Variants in ARHGEF5 observed in about 807,000 individuals in gnomAD.
ARHGEF5 encodes the protein Rho guanine nucleotide exchange factor (GEF) 5.
ARHGEF5 carries 11 observed loss-of-function variants against 104.0 expected under a neutral mutation model. That is an observed-to-expected ratio of 0.11 (90% CI 0.07 to 0.18). ARHGEF5 has a LOEUF of 0.18. ARHGEF5 is among the 10% of genes least tolerant of loss of function. ARHGEF5 has a pLI of 1.00. For missense variants in ARHGEF5, 165 were observed against 1,335.4 expected (o/e 0.12, Z 13.66); for synonymous variants, 60 against 512.2 (o/e 0.12, Z 11.92).
chr7:144,377,293 T>C (rs185706133), intron 13 of ARHGEF5, 103 bp downstream of exon 13: 30 of 1,547,824 alleles, frequency 1.9e-5, no homozygotes, highest in Non-Finnish European at 2.5e-5. Flanking sequence ...CTTTCATTTA[T>C]TGATATTCCG....
chr7:144,377,379 T>G (rs1371677224), intron 13 of ARHGEF5, among the ~76,000 whole-genome samples, 189 bp downstream of exon 13: 1 of 152,254 alleles, frequency 6.6e-6, no homozygotes, highest in African/African-American at 2.4e-5. Context: ...CTCATCACTA[T>G]GGCAGTCCCC....
In ARHGEF5 at chr7:144,365,079, AC is replaced by A; in HGVS notation, c.2415del (p.Arg806GlyfsTer40). 7.9e-7 allele frequency: 1 copy of A among 1,263,900 alleles called. No homozygotes were observed. The highest frequency in any genetic ancestry group is 1.1e-6 in the Non-Finnish European group (1 of 904,128). The allele number at this position is 1,263,900 out of a possible 1,614,324, so 78.3% of individuals were successfully genotyped here. On this transcript the variant is annotated frameshift_variant, in exon 2 of 15. Coordinates refer to ENST00000056217, the MANE Select transcript of ARHGEF5 (RefSeq NM_005435.4). LOFTEE classifies it high-confidence loss of function. ...TPDSSHHAQATPRWRYNKPLP... is the reference protein window; with the variant it reads ...TPDSSHHAQAXPRWRYNKPLP... ...AGACAGCTCCCACCATGCTCAGGCC[AC>A]CCCCAGGTGGAGATACAACAAGCCG...
At position 144,379,885 on chromosome 7, in the gene ARHGEF5, C is replaced by A; in HGVS notation, c.4637-14C>A. The A allele has an allele frequency of 1.9e-6, 3 of 1,614,044 alleles. No individual in the cohort carries two copies. The highest frequency in any genetic ancestry group is 2.5e-6 in the Non-Finnish European group (3 of 1,179,960). On this transcript the variant is annotated splice_polypyrimidine_tract_variant and intron_variant, in intron 14 of 14. Coordinates refer to ENST00000056217, the MANE Select transcript of ARHGEF5 (RefSeq NM_005435.4). The stretch of plus-strand genomic sequence containing the variant: ...TTTCCCAGGTAATTCTTCCCACTCA[C>A]CCTGTGCCCACAGGCTGGCTGGAGG...
At chr7:144,357,626 G>A (rs2053606703) in intron 1 of ARHGEF5, among the ~76,000 whole-genome samples, 3 of 150,520 alleles carry the variant, frequency 2.0e-5, no homozygotes. Context: ...ATGGCACTGA[G>A]TCTCAGTTCA....
At chr7:144,378,607 T>G (rs2053777887) in intron 13 of ARHGEF5, among the ~76,000 whole-genome samples, 155 bp from the exon 14 acceptor site, 1 of 152,208 alleles carries the variant, frequency 6.6e-6, no homozygotes, top group East Asian at 1.9e-4. Context: ...TATTTCTTTA[T>G]TAACCATTTT....
chr7:144,377,983 A>G (rs990255890), intron 13 of ARHGEF5, among the ~76,000 whole-genome samples: 9 of 152,176 alleles, frequency 5.9e-5, no homozygotes, highest in African/African-American at 2.2e-4. Context: ...GAAAGCAAAT[A>G]GTAATGCAGT....
intron 5 of ARHGEF5, among the ~76,000 whole-genome samples, chr7:144,370,744 G>C (rs1278371782): frequency 6.8e-6 from 1 of 147,042 alleles, no homozygotes; most frequent in Non-Finnish European, 1.5e-5. Context: ...GGGATTACAG[G>C]CGTGAGCCAC....
rs958372530 is a variant in ARHGEF5 at position 144,378,963 on chromosome 7, T to C, written c.4636+97T>C. ...CTGCAGCTGCCATGACAAAGTACCATGGACTGGGTGGCTTATGGCAACAGA... is the reference window on the plus strand; with the variant it reads ...CTGCAGCTGCCATGACAAAGTACCACGGACTGGGTGGCTTATGGCAACAGA... On this transcript the variant is annotated intron_variant, in intron 14 of 14. Transcript: ENST00000056217. 8.3e-6 allele frequency: 10 copies of C among 1,201,562 alleles called. No individual in the cohort carries two copies. In the Admixed American group the frequency reaches 1.9e-4, roughly 22 times the overall value. The allele number at this position is 1,201,562 out of a possible 1,614,324, so 74.4% of individuals were successfully genotyped here.
At chr7:144,360,720 A>G (rs2053631414) in intron 1 of ARHGEF5, among the ~76,000 whole-genome samples, 1 of 124,432 alleles carries the variant, frequency 8.0e-6, no homozygotes, top group African/African-American at 2.9e-5. Flanking sequence ...TATTTATTAA[A>G]CACTGAGTAT....
At chr7:144,361,226 CAAAAAAAA>C (rs60603784) in intron 1 of ARHGEF5, among the ~76,000 whole-genome samples, 2 of 17,994 alleles carry the variant, frequency 1.1e-4, no homozygotes, top group African/African-American at 2.7e-4. Flanking sequence ...GACTCCATCT[CAAAAAAAA>C]AAAAAAAGAA....
In ARHGEF5 at chr7:144,364,107, G is replaced by A. The variant is rs2053672383; in HGVS notation, c.1438G>A (p.Asp480Asn). 1.4e-6 allele frequency: 1 copy of A among 718,454 alleles called. No individual in the cohort carries two copies. The highest frequency in any genetic ancestry group is 3.3e-5 in the Admixed American group (1 of 30,634). 44.5% of individuals were successfully genotyped at this position (718,454 alleles called of 1,614,324 possible). A position where few individuals can be genotyped will look rare whatever the true frequency, so the allele number is the denominator to read the frequency against. Residue 480 changes from aspartate to asparagine, a missense_variant, in exon 2 of 15, where the codon GAT becomes AAT. Asp to Asn is a conservative substitution (Grantham distance 23). Transcript: ENST00000056217. ...TGAGGAGTCACCTGACAAGGAAATAGATCAAAACAGCCAGCAAGAGGAATC... is the reference window on the plus strand; with the variant it reads ...TGAGGAGTCACCTGACAAGGAAATAAATCAAAACAGCCAGCAAGAGGAATC... ...LTEESPDKEI[D>N]QNSQQEESRL...
At chr7:144,378,675 C>T in intron 13 of ARHGEF5, 87 bp from the exon 14 acceptor site, 3 of 1,103,436 alleles carry the variant, frequency 2.7e-6, no homozygotes, top group Non-Finnish European at 4.0e-6. Flanking sequence ...TATCTCAAGT[C>T]CTCCCACGCC....
intron 1 of ARHGEF5, among the ~76,000 whole-genome samples, chr7:144,358,758 A>AGTGTGTGTGTGTGTGT (rs71222348): frequency 7.7e-5 from 7 of 90,892 alleles, no homozygotes; most frequent in Admixed American, 2.6e-4. Context: ...AGGATGGCTC[A>AGTGTGTGTGTGTGTGT]GTGTGTGTGT....
intron 13 of ARHGEF5, 68 bp from the exon 14 acceptor site, chr7:144,378,694 C>G: frequency 4.3e-6 from 6 of 1,394,636 alleles, no homozygotes; most frequent in Non-Finnish European, 4.0e-6. Context: ...CCACCCCCCT[C>G]CAAGTCCCTG....
chr7:144,370,784 T>C (rs1376988405), intron 5 of ARHGEF5, among the ~76,000 whole-genome samples: 1 of 143,658 alleles, frequency 7.0e-6, no homozygotes, highest in Non-Finnish European at 1.5e-5. Flanking sequence ...TTTTTTAATA[T>C]AAATTTCATT....
In ARHGEF5 at chr7:144,363,329, G is replaced by T. The variant is rs367642621; in HGVS notation, c.660G>T (p.Gly220=). 1 of 1,592,166 alleles carries T rather than the reference G, an allele frequency of 6.3e-7. No homozygotes were observed. The highest frequency in any genetic ancestry group is 8.6e-7 in the Non-Finnish European group (1 of 1,164,260). Residue 220 remains glycine (G), a synonymous_variant, in exon 2 of 15, where the codon GGG becomes GGT. Transcript: ENST00000056217. ...CTGAGGAGCTGCAGGAAAGTCAAGG[G>T]CTCTTGCATCCCCAGGAGGTCCAAG... ...LPPEELQESQ[G]LLHPQEVQVL...
Position 144,357,324 on chromosome 7 carries a change from C to T in ARHGEF5, c.-13+1823C>T, listed in dbSNP as rs1231508387. ...CTGGTCTATAAGGCAGTTGGTGTGA[C>T]ATTTTCAGACATTAGAGAATAGATA... On this transcript the variant is annotated intron_variant, in intron 1 of 14. Transcript: ENST00000056217. Among the ~76,000 whole-genome samples the T allele has an allele frequency of 9.6e-5, 12 of 125,652 alleles. No individual in the cohort carries two copies. The East Asian group carries it at 1.5e-3, about 15-fold the overall frequency. 82.4% of individuals were successfully genotyped at this position (125,652 alleles called of 152,430 possible). A position where few individuals can be genotyped will look rare whatever the true frequency, so the allele number is the denominator to read the frequency against.
chr7:144,375,566 GA>G lies in ARHGEF5; in HGVS notation c.4355del (p.Lys1452SerfsTer4), dbSNP rs1340157317. 1.5e-6 allele frequency: 1 copy of G among 660,868 alleles called. No individual in the cohort carries two copies. The highest frequency in any genetic ancestry group is 2.7e-5 in the East Asian group (1 of 36,814). 40.9% of individuals were successfully genotyped at this position (660,868 alleles called of 1,614,324 possible). ...TGCTCCCTTCTCCTCCATTCGGGGG[GA>G]AAAGTGTGAAATGAAGCTACATGGA... The part of the protein sequence containing the change: ...DHAPFSSIRG[E>X]KCEMKLHGPH... On this transcript the variant is annotated frameshift_variant, in exon 12 of 15. Coordinates refer to ENST00000056217, the MANE Select transcript of ARHGEF5 (RefSeq NM_005435.4). LOFTEE classifies it high-confidence loss of function.
chr7:144,377,782 T>A (rs1196680694), intron 13 of ARHGEF5, among the ~76,000 whole-genome samples: 3 of 152,144 alleles, frequency 2.0e-5, no homozygotes, highest in Non-Finnish European at 4.4e-5. Flanking sequence ...GGACCTTTAG[T>A]GACTGAAAAG....
Sources: gnomAD v4.1 joint callset for allele counts (sites outside exome capture counted in the v4.1 genomes callset) on GRCh38, gnomAD v4.1.1 for gene constraint, MANE v1.5 for transcripts, NCBI Gene and HGNC (gene_info 2026-07-23, HGNC 2026-07-21) for gene names.